The following ANGPT2 variants were observed in gnomAD, a reference collection of about 807,000 sequenced individuals.
The protein encoded by ANGPT2 is angiopoietin-2.
ANGPT2 carries 28 observed loss-of-function variants against 62.9 expected under a neutral mutation model. That is an observed-to-expected ratio of 0.44 (90% CI 0.33 to 0.61). The LOEUF (loss-of-function observed/expected upper bound fraction) is 0.61. Ranked by LOEUF, ANGPT2 falls within the 20% of genes least tolerant of loss-of-function variation. The pLI, the probability that ANGPT2 is intolerant of heterozygous loss-of-function variation, is 0.03. For missense variants in ANGPT2, 727 were observed against 594.9 expected, an observed-to-expected ratio of 1.22 and a Z score of -2.31; for synonymous variants, 284 against 207.8, an observed-to-expected ratio of 1.37 and a Z score of -3.15.
intron 6 of ANGPT2, among the ~76,000 whole-genome samples, chr8:6,514,094 C>T (rs541517669): frequency 1.4e-4 from 22 of 152,278 alleles, no homozygotes; most frequent in African/African-American, 4.8e-4. Flanking sequence ...CCAGCAGAAG[C>T]CTTGGCATAA....
intron 5 of ANGPT2, among the ~76,000 whole-genome samples, chr8:6,516,712 T>C (rs1330179663): frequency 6.6e-6 from 1 of 152,238 alleles, no homozygotes; most frequent in Non-Finnish European, 1.5e-5. Context: ...CTAAATGGTA[T>C]GCTCTTGGGT....
intron 1 of ANGPT2, among the ~76,000 whole-genome samples, chr8:6,540,607 T>A (rs1032242901): frequency 6.6e-6 from 1 of 152,250 alleles, no homozygotes; most frequent in South Asian, 2.1e-4. Context: ...CACGTCTGCA[T>A]ATATAGATAT....
rs55804146 is a variant in ANGPT2 at position 6,562,552 on chromosome 8, CTTTTTT to C, written c.288+89_288+94del. 4.0e-3 allele frequency: 295 copies of C among 73,780 alleles called. 18 individuals are homozygous for C. The Middle Eastern group carries it at 0.14, about 35-fold the overall frequency. The allele number at this position is 73,780 out of a possible 1,614,324, so 4.6% of individuals were successfully genotyped here. The stretch of plus-strand genomic sequence containing the variant: ...AGCTCTAATCCTCTTCATCCTCCTT[CTTTTTT>C]TTTTTTTTTTTTTGGTTGTTAAAAC... On this transcript the variant is annotated intron_variant, in intron 1 of 8. Transcript: ENST00000629816.
intron 1 of ANGPT2, among the ~76,000 whole-genome samples, chr8:6,534,967 A>G (rs1025493459): frequency 6.6e-6 from 1 of 152,328 alleles, no homozygotes; most frequent in South Asian, 2.1e-4. Context: ...ACCCAGAGGC[A>G]CTGTCTTAGT....
rs1168109895 is a variant in ANGPT2, at chr8:6,500,030, A to C, written c.*3071T>G. 3 of 927,652 alleles carry C rather than the reference A, an allele frequency of 3.2e-6. No individual in the cohort carries two copies. The highest frequency in any genetic ancestry group is 5.3e-6 in the Non-Finnish European group (3 of 563,956). 57.5% of individuals were successfully genotyped at this position (927,652 alleles called of 1,614,324 possible). Reference sequence around the variant, plus strand: ...CTTAAGTTTTTATCCAGTCAAGCACAATTATGCCCATAATTAAAAAGACAT... The same window carrying C: ...CTTAAGTTTTTATCCAGTCAAGCACCATTATGCCCATAATTAAAAAGACAT... On this transcript the variant is annotated 3_prime_UTR_variant, in exon 9 of 9. Transcript: ENST00000629816.
In ANGPT2 at chr8:6,516,810, C is replaced by G. The variant is rs181429887; in HGVS notation, c.928-2032G>C. 1.5e-3 allele frequency among the ~76,000 whole-genome samples: 236 copies of G among 152,260 alleles called. 3 individuals are homozygous for G. The highest frequency in any genetic ancestry group is 5.3e-3 in the African/African-American group (222 of 41,562). On this transcript the variant is annotated intron_variant, in intron 5 of 8. Coordinates refer to ENST00000629816, the MANE Select transcript of ANGPT2 (RefSeq NM_001118887.2). ...TGTCAAAATTACTGCTATGAAGTTA[C>G]CAGTACTTAAATACATGTTCTATCT...
At chr8:6,549,968 A>G (rs1249730511) in intron 1 of ANGPT2, among the ~76,000 whole-genome samples, 3 of 152,244 alleles carry the variant, frequency 2.0e-5, no homozygotes, top group Non-Finnish European at 4.4e-5. Context: ...CAGCAGCTAG[A>G]TCCATGAAAA....
chr8:6,537,618 C>T (rs1563087735), intron 1 of ANGPT2, among the ~76,000 whole-genome samples: 1 of 151,560 alleles, frequency 6.6e-6, no homozygotes, highest in Non-Finnish European at 1.5e-5. Flanking sequence ...TTTTTTATTA[C>T]TCCCACAACG....
intron 2 of ANGPT2, among the ~76,000 whole-genome samples, chr8:6,531,313 A>T (rs1327015438): frequency 1.4e-5 from 2 of 139,786 alleles, no homozygotes; most frequent in African/African-American, 2.7e-5. Context: ...TTTTGAGTTG[A>T]AGTCTCACTC....
intron 1 of ANGPT2, among the ~76,000 whole-genome samples, chr8:6,534,191 C>T (rs939134971): frequency 6.6e-6 from 1 of 151,298 alleles, no homozygotes; most frequent in Non-Finnish European, 1.5e-5. Context: ...TTCAACCACA[C>T]CATCAATATA....
At chr8:6,538,872 G>C (rs552944961) in intron 1 of ANGPT2, among the ~76,000 whole-genome samples, 3 of 152,294 alleles carry the variant, frequency 2.0e-5, no homozygotes, top group East Asian at 3.9e-4. Flanking sequence ...GAAAACTTGA[G>C]TGTAAGATTA....
At chr8:6,526,773 T>G (rs917929768) in intron 3 of ANGPT2, among the ~76,000 whole-genome samples, 1 of 152,214 alleles carries the variant, frequency 6.6e-6, no homozygotes, top group Non-Finnish European at 1.5e-5. Context: ...TATATACATG[T>G]CTTCATTAAA....
chr8:6,529,920 C>T (rs1819141326), intron 2 of ANGPT2, among the ~76,000 whole-genome samples: 1 of 151,302 alleles, frequency 6.6e-6, no homozygotes. Context: ...ACAAGTACAT[C>T]AAATGCTATG....
chr8:6,501,848 G>A lies in ANGPT2; in HGVS notation c.*1253C>T, dbSNP rs991827675. 4.6e-5 allele frequency: 7 copies of A among 151,396 alleles called. No individual in the cohort carries two copies. Among genetic ancestry groups the A allele is most frequent in the East Asian group, 1.9e-4 (1 of 5,178 alleles). 9.4% of individuals were successfully genotyped at this position (151,396 alleles called of 1,614,324 possible). ...TGGGATTATAGGTGTGAGCCACTGCGCCCAGCCCTGTGTTCTCAAATTTTT... is the reference window on the plus strand; with the variant it reads ...TGGGATTATAGGTGTGAGCCACTGCACCCAGCCCTGTGTTCTCAAATTTTT... On this transcript the variant is annotated 3_prime_UTR_variant, in exon 9 of 9. Coordinates refer to ENST00000629816, the MANE Select transcript of ANGPT2 (RefSeq NM_001118887.2).
In ANGPT2 at chr8:6,527,654, A is replaced by C; in HGVS notation, c.467T>G (p.Leu156Arg). The C allele has an allele frequency of 6.2e-7, 1 of 1,613,896 alleles. No homozygotes were observed. The highest frequency in any genetic ancestry group is 8.5e-7 in the Non-Finnish European group (1 of 1,179,846). The change falls in exon 3 of 9, where the codon CTT (leucine) becomes CGT (arginine). Residue 156 changes from leucine to arginine, a missense_variant. Transcript: ENST00000629816. ...EAQVLNQTTR[L>R]ELQLLEHSLS... ...GGAGTGTTCCAAGAGCTGAAGTTCA[A>C]GTCTCGTGGTCTGATTTAATACCTA... is the stretch of plus-strand genomic sequence containing the variant.
At chr8:6,526,257 TAA>T (rs35519559) in intron 3 of ANGPT2, among the ~76,000 whole-genome samples, 148 of 77,472 alleles carry the variant, frequency 1.9e-3, no homozygotes, top group African/African-American at 4.1e-3. Context: ...TTGCCTCTAC[TAA>T]AAAAAAAAAA....
At chr8:6,521,072 T>A in intron 4 of ANGPT2, 106 bp downstream of exon 4, 1 of 745,138 alleles carries the variant, frequency 1.3e-6, no homozygotes, top group South Asian at 1.9e-5. Context: ...ATATGAAATA[T>A]ATGAGAAATA....
intron 1 of ANGPT2, among the ~76,000 whole-genome samples, chr8:6,555,030 T>G (rs79098152): frequency 6.6e-6 from 1 of 151,970 alleles, no homozygotes; most frequent in Admixed American, 6.6e-5. Flanking sequence ...TTCCTTCCCC[T>G]TTTTTTTAAA....
chr8:6,521,694 G>C (rs541695635), intron 3 of ANGPT2, among the ~76,000 whole-genome samples: 2 of 152,180 alleles, frequency 1.3e-5, no homozygotes, highest in African/African-American at 4.8e-5. Flanking sequence ...TGGGATATGG[G>C]TGTTTTTTGT....
Sources: gnomAD v4.1 joint callset for allele counts (sites outside exome capture counted in the v4.1 genomes callset) on GRCh38, gnomAD v4.1.1 for gene constraint, MANE v1.5 for transcripts, NCBI Gene and HGNC (gene_info 2026-07-23, HGNC 2026-07-21) for gene names.